MAD1L1: variants seen among roughly 807,000 people sequenced by gnomAD.
MAD1L1 encodes the protein mitotic arrest deficient 1 like 1.
A neutral mutation model predicts 96.9 loss-of-function variants in MAD1L1; 95 were observed. The observed-to-expected ratio is 0.98, with a 90% CI of 0.83 to 1.16. The LOEUF (loss-of-function observed/expected upper bound fraction) is 1.16, where lower values mean the gene tolerates loss of function less well. Ranked by LOEUF, MAD1L1 falls within the 50% of genes most tolerant of loss-of-function variation. MAD1L1 has a pLI of 0.00. For synonymous variants in MAD1L1, 473 were observed against 396.6 expected, an observed-to-expected ratio of 1.19 and a Z score of -2.29; for missense variants, 1,007 against 954.4, an observed-to-expected ratio of 1.06 and a Z score of -0.73.
At chr7:2,058,056 A>T (rs1239609957) in intron 12 of MAD1L1, among the ~76,000 whole-genome samples, 1 of 62,112 alleles carries the variant, frequency 1.6e-5, no homozygotes, top group East Asian at 4.5e-4. Context: ...GGGGCTGGAG[A>T]GGGAGTGTGG....
chr7:2,196,823 G>A (rs563291429), intron 10 of MAD1L1, among the ~76,000 whole-genome samples: 5 of 152,236 alleles, frequency 3.3e-5, no homozygotes, highest in South Asian at 2.1e-4. Context: ...TCACTACAAC[G>A]CGGCTGACTC....
intron 18 of MAD1L1, among the ~76,000 whole-genome samples, chr7:1,869,436 A>G (rs1014784466): frequency 3.3e-5 from 5 of 152,014 alleles, no homozygotes; most frequent in Admixed American, 3.3e-4. Context: ...TCCCCAGCCC[A>G]GGGTTGGGCA....
At position 2,003,806 on chromosome 7, in the gene MAD1L1, G is replaced by A. The variant is rs1781910797; in HGVS notation, c.1360-1685C>T. 3.3e-5 allele frequency among the ~76,000 whole-genome samples: 5 copies of A among 152,182 alleles called. 1 individual carries two copies. In the East Asian group the frequency reaches 5.8e-4, roughly 18 times the overall value. On this transcript the variant is annotated intron_variant, in intron 13 of 18. Coordinates refer to ENST00000265854, the MANE Select transcript of MAD1L1 (RefSeq NM_001013836.2). ...TCAGGAGGCAGGTGGCCGTGGCCAC[G>A]CTGGGCTGTGTGGACCCCACACTGG...
At chr7:1,856,260 G>A (rs1463532173) in intron 18 of MAD1L1, among the ~76,000 whole-genome samples, 1 of 152,230 alleles carries the variant, frequency 6.6e-6, no homozygotes, top group African/African-American at 2.4e-5. Flanking sequence ...CAGCAGGTCG[G>A]GTTGGGCGCA....
rs118086423 is a variant in MAD1L1 at position 1,876,977 on chromosome 7, G to A, written c.1998+21223C>T. ...CAGTAAATATGTGAATACAGTTCAC[G>A]TATTTAAATAGGTGAATACACTTCA... On this transcript the variant is annotated intron_variant, in intron 18 of 18. Coordinates refer to ENST00000265854, the MANE Select transcript of MAD1L1 (RefSeq NM_001013836.2). Among the ~76,000 whole-genome samples the A allele has an allele frequency of 3.2e-3, 444 of 136,632 alleles. 22 individuals carry two copies. Among genetic ancestry groups the A allele is most frequent in the South Asian group, 9.6e-3 (39 of 4,052 alleles). 89.6% of individuals were successfully genotyped at this position (136,632 alleles called of 152,430 possible).
chr7:2,004,865 G>A (rs903178184), intron 13 of MAD1L1, among the ~76,000 whole-genome samples: 10 of 152,178 alleles, frequency 6.6e-5, no homozygotes, highest in Admixed American at 5.2e-4. Context: ...AAAACAGAAC[G>A]CATGCATCTG....
chr7:2,193,678 G>A (rs556551891), intron 10 of MAD1L1, among the ~76,000 whole-genome samples: 9 of 152,316 alleles, frequency 5.9e-5, no homozygotes, highest in African/African-American at 1.2e-4. Context: ...TAACACGGCC[G>A]CGGGTAACTC....
chr7:2,135,515 A>G (rs1341294129), intron 11 of MAD1L1, among the ~76,000 whole-genome samples: 2 of 152,238 alleles, frequency 1.3e-5, no homozygotes, highest in Non-Finnish European at 2.9e-5. Flanking sequence ...AAAGATGGTA[A>G]ATACTGATAG....
intron 12 of MAD1L1, among the ~76,000 whole-genome samples, chr7:2,037,414 C>T (rs2128508889): frequency 6.6e-6 from 1 of 152,206 alleles, no homozygotes. Flanking sequence ...AAATGGAAGG[C>T]TTGTGGCCGT....
intron 12 of MAD1L1, among the ~76,000 whole-genome samples, chr7:2,023,785 C>T (rs1782884318): frequency 6.6e-6 from 1 of 151,960 alleles, no homozygotes; most frequent in South Asian, 2.1e-4. Flanking sequence ...CCCATCTCTA[C>T]TAAAAATACA....
At chr7:1,955,691 C>G (rs1007864562) in intron 16 of MAD1L1, among the ~76,000 whole-genome samples, 1 of 152,210 alleles carries the variant, frequency 6.6e-6, no homozygotes, top group East Asian at 1.9e-4. Flanking sequence ...GCGCAGGCCC[C>G]TCCCCCGGTT....
intron 10 of MAD1L1, among the ~76,000 whole-genome samples, chr7:2,152,588 G>C (rs1426703602): frequency 6.6e-6 from 1 of 152,158 alleles, no homozygotes; most frequent in Non-Finnish European, 1.5e-5. Flanking sequence ...CAGAGACAGA[G>C]GGAAGGCCAG....
At chr7:2,106,517 A>G (rs1044792423) in intron 11 of MAD1L1, among the ~76,000 whole-genome samples, 5 of 152,062 alleles carry the variant, frequency 3.3e-5, no homozygotes, top group African/African-American at 1.2e-4. Context: ...ACCCTGCCTA[A>G]CACCAAGGAG....
intron 14 of MAD1L1, among the ~76,000 whole-genome samples, chr7:1,999,071 C>T (rs1172697083): frequency 2.0e-5 from 3 of 152,134 alleles, no homozygotes; most frequent in Admixed American, 6.6e-5. Context: ...CCCACTAACC[C>T]GCTCACTGAA....
intron 18 of MAD1L1, among the ~76,000 whole-genome samples, chr7:1,864,385 G>A (rs532369933): frequency 6.6e-6 from 1 of 152,230 alleles, no homozygotes; most frequent in Non-Finnish European, 1.5e-5. Context: ...CAGAGCTCCA[G>A]GGAACCTGCA....
chr7:1,983,882 T>C (rs1243704455), intron 14 of MAD1L1, among the ~76,000 whole-genome samples: 1 of 152,246 alleles, frequency 6.6e-6, no homozygotes, highest in Non-Finnish European at 1.5e-5. Context: ...AAATAACAGG[T>C]ATTTGGACTT....
intron 16 of MAD1L1, among the ~76,000 whole-genome samples, chr7:1,940,925 C>A (rs914676681): frequency 3.5e-5 from 1 of 28,720 alleles, no homozygotes; most frequent in Non-Finnish European, 9.3e-5. Context: ...AGCAGTGAGA[C>A]CCTCCTCCCC....
At chr7:1,945,647 G>A (rs12699494) in intron 16 of MAD1L1, among the ~76,000 whole-genome samples, 130,890 of 152,138 alleles carry the variant, frequency 0.86, 57,628 homozygotes, top group Non-Finnish European at 0.96. Flanking sequence ...TGCCGGGCCC[G>A]GCCAGTGCTC....
At position 2,212,570 on chromosome 7, in the gene MAD1L1, C is replaced by T. The variant is rs148372575; in HGVS notation, c.986+642G>A. 9.6e-3 allele frequency among the ~76,000 whole-genome samples: 1,467 copies of T among 152,272 alleles called. 32 individuals are homozygous for T. Among genetic ancestry groups the T allele is most frequent in the African/African-American group, 0.033 (1,364 of 41,560 alleles). Reference sequence around the variant, plus strand: ...GTGTGGCACCTCCCTCCCAACACTACTCACGCTCGCTCACTCTCTCGCTCT... The same window carrying T: ...GTGTGGCACCTCCCTCCCAACACTATTCACGCTCGCTCACTCTCTCGCTCT... On this transcript the variant is annotated intron_variant, in intron 10 of 18. Coordinates refer to ENST00000265854, the MANE Select transcript of MAD1L1 (RefSeq NM_001013836.2).
Sources: gnomAD v4.1 joint callset for allele counts (sites outside exome capture counted in the v4.1 genomes callset) on GRCh38, gnomAD v4.1.1 for gene constraint, MANE v1.5 for transcripts, NCBI Gene and HGNC (gene_info 2026-07-23, HGNC 2026-07-21) for gene names.